PRORP: variants seen among roughly 807,000 people sequenced by gnomAD.
PRORP encodes the protein mitochondrial ribonuclease P catalytic subunit.
A neutral mutation model predicts 59.4 loss-of-function variants in PRORP; 51 were observed. That is an observed-to-expected ratio of 0.86 (90% CI 0.69 to 1.08). The LOEUF (loss-of-function observed/expected upper bound fraction) is 1.08, where lower values mean the gene tolerates loss of function less well. Ranked by LOEUF, PRORP falls within the 50% of genes least tolerant of loss-of-function variation. The pLI, the probability that PRORP is intolerant of heterozygous loss-of-function variation, is 0.00. For missense variants in PRORP, 646 were observed against 690.3 expected, an observed-to-expected ratio of 0.94 and a Z score of 0.72; for synonymous variants, 231 against 245.6, an observed-to-expected ratio of 0.94 and a Z score of 0.55.
chr14:35,229,308 C>T (rs1490247610), intron 5 of PRORP, among the ~76,000 whole-genome samples: 2 of 152,058 alleles, frequency 1.3e-5, no homozygotes, highest in Non-Finnish European at 2.9e-5. Flanking sequence ...TTAGGTCCCA[C>T]TTGTTGATTT....
chr14:35,249,339 T>A (rs2050558206), intron 5 of PRORP, among the ~76,000 whole-genome samples: 1 of 152,038 alleles, frequency 6.6e-6, no homozygotes, highest in Admixed American at 6.6e-5. Flanking sequence ...CTCAGCACTT[T>A]GGGAAGCAGA....
chr14:35,146,251 G>T (rs2047608190), intron 4 of PRORP, among the ~76,000 whole-genome samples: 1 of 152,114 alleles, frequency 6.6e-6, no homozygotes, highest in Admixed American at 6.5e-5. Context: ...AGAAAAAAAG[G>T]CAGGCAAATT....
chr14:35,202,119 G>A (rs190646835), intron 5 of PRORP, among the ~76,000 whole-genome samples: 74 of 151,518 alleles, frequency 4.9e-4, no homozygotes, highest in African/African-American at 1.5e-3. Flanking sequence ...ACAGGCGCCC[G>A]CCACCACGCC....
At chr14:35,133,223 CTG>C (rs886442559) in intron 4 of PRORP, among the ~76,000 whole-genome samples, 2 of 152,168 alleles carry the variant, frequency 1.3e-5, no homozygotes, top group African/African-American at 2.4e-5. Context: ...CCAGCCCTAA[CTG>C]TGTATTTTCA....
At chr14:35,127,649 G>C (rs2047131094) in intron 4 of PRORP, 38 bp downstream of exon 4, 4 of 1,611,876 alleles carry the variant, frequency 2.5e-6, no homozygotes. Context: ...TGGATTGCTT[G>C]TCTAGAGCAG....
chr14:35,145,231 C>T lies in PRORP; in HGVS notation c.1167+17620C>T, dbSNP rs2047576248. Among the ~76,000 whole-genome samples the T allele has an allele frequency of 1.4e-5, 2 of 144,656 alleles. 1 individual carries two copies. The highest frequency in any genetic ancestry group is 3.1e-5 in the Non-Finnish European group (2 of 65,220). 94.9% of individuals were successfully genotyped at this position (144,656 alleles called of 152,430 possible). A position where few individuals can be genotyped will look rare whatever the true frequency, so the allele number is the denominator to read the frequency against. Reference sequence around the variant, plus strand: ...CAAGTAATCCTCCAACCTTGGCCTCCCAAAGGGCTGGGATTACAGGCGTGA... The same window carrying T: ...CAAGTAATCCTCCAACCTTGGCCTCTCAAAGGGCTGGGATTACAGGCGTGA... On this transcript the variant is annotated intron_variant, in intron 4 of 7. Transcript: ENST00000534898.
chr14:35,182,420 G>A (rs1595258404), intron 5 of PRORP, among the ~76,000 whole-genome samples: 1 of 150,796 alleles, frequency 6.6e-6, no homozygotes, highest in Non-Finnish European at 1.5e-5. Flanking sequence ...CAAGGCGGGT[G>A]GATCACCTGA....
At chr14:35,137,829 C>T (rs1172182034) in intron 4 of PRORP, among the ~76,000 whole-genome samples, 2 of 144,882 alleles carry the variant, frequency 1.4e-5, no homozygotes, top group African/African-American at 4.9e-5. Context: ...GGGGTCCAGG[C>T]CAGATAGGAA....
At chr14:35,235,575 G>C in intron 5 of PRORP, 1 of 525,822 alleles carries the variant, frequency 1.9e-6, no homozygotes. Flanking sequence ...CGAAGGACAG[G>C]TGGTCTTTTA....
chr14:35,148,907 T>C (rs2047673515), intron 4 of PRORP, among the ~76,000 whole-genome samples: 1 of 145,610 alleles, frequency 6.9e-6, no homozygotes, highest in South Asian at 2.2e-4. Flanking sequence ...TGTTGCACTT[T>C]TTAATTTTTT....
chr14:35,186,344 T>C (rs868843312), intron 5 of PRORP, among the ~76,000 whole-genome samples: 3 of 122,656 alleles, frequency 2.4e-5, no homozygotes, highest in South Asian at 2.6e-4. Context: ...TTAATGGTTG[T>C]ATTTTTTTTT....
At chr14:35,149,232 T>A (rs1242462310) in intron 4 of PRORP, among the ~76,000 whole-genome samples, 1 of 151,852 alleles carries the variant, frequency 6.6e-6, no homozygotes, top group Non-Finnish European at 1.5e-5. Flanking sequence ...TTTTTTTTTT[T>A]AATACAGTGT....
rs79972584 is a variant in PRORP, at chr14:35,240,788, G to C, written c.1276-25939G>C. ...AATTGCCTCCTCAATTAGTCCCTCT[G>C]GCCCTGCATTATCCAATATGGTAGC... is the stretch of plus-strand genomic sequence containing the variant. On this transcript the variant is annotated intron_variant, in intron 5 of 7. Coordinates refer to ENST00000534898, the MANE Select transcript of PRORP (RefSeq NM_014672.4). Among the ~76,000 whole-genome samples the C allele has an allele frequency of 5.2e-3, 796 of 152,192 alleles. 8 individuals carry two copies. The highest frequency in any genetic ancestry group is 0.018 in the African/African-American group (753 of 41,518).
At chr14:35,180,831 C>A in intron 5 of PRORP, 54 bp downstream of exon 5, 1 of 1,144,276 alleles carries the variant, frequency 8.7e-7, no homozygotes, top group Non-Finnish European at 1.3e-6. Flanking sequence ...TTTATTATAC[C>A]CATTTATGAC....
chr14:35,158,387 CT>C, intron 4 of PRORP: 1 of 306,578 alleles, frequency 3.3e-6, no homozygotes, highest in Non-Finnish European at 6.5e-6. Flanking sequence ...AGGATACTGC[CT>C]TCCCCTAACC....
At chr14:35,234,265 G>A (rs1046987205) in intron 5 of PRORP, among the ~76,000 whole-genome samples, 2 of 152,192 alleles carry the variant, frequency 1.3e-5, no homozygotes, top group Non-Finnish European at 2.9e-5. Context: ...AGATTCTGTA[G>A]CCGTGTGTTT....
rs767374346 is a variant in PRORP, at chr14:35,139,376, C to T, written c.1167+11765C>T. 2.8e-4 allele frequency among the ~76,000 whole-genome samples: 40 copies of T among 144,462 alleles called. 7 individuals are homozygous for T. The highest frequency in any genetic ancestry group is 5.7e-4 in the Non-Finnish European group (37 of 65,084). 94.8% of individuals were successfully genotyped at this position (144,462 alleles called of 152,430 possible). ...TATGTATATACCTGTGGAACTGTCACTGCAATCAAGATAATGAACATATGG... is the reference window on the plus strand; with the variant it reads ...TATGTATATACCTGTGGAACTGTCATTGCAATCAAGATAATGAACATATGG... On this transcript the variant is annotated intron_variant, in intron 4 of 7. Coordinates refer to ENST00000534898, the MANE Select transcript of PRORP (RefSeq NM_014672.4).
At chr14:35,270,621 A>G (rs756193108) in intron 7 of PRORP, 25 bp downstream of exon 7, 2 of 1,584,522 alleles carry the variant, frequency 1.3e-6, no homozygotes, top group Admixed American at 1.7e-5. Context: ...TCTTTATGTA[A>G]TATTAACAGA....
At chr14:35,166,893 C>T (rs536802816) in intron 4 of PRORP, among the ~76,000 whole-genome samples, 1 of 152,280 alleles carries the variant, frequency 6.6e-6, no homozygotes, top group African/African-American at 2.4e-5. Context: ...AGTGTACTTA[C>T]CCCTTCATTG....
Sources: gnomAD v4.1 joint callset for allele counts (sites outside exome capture counted in the v4.1 genomes callset) on GRCh38, gnomAD v4.1.1 for gene constraint, MANE v1.5 for transcripts, NCBI Gene and HGNC (gene_info 2026-07-23, HGNC 2026-07-21) for gene names.